Variants in PRTFDC1 observed in about 807,000 individuals in gnomAD.
PRTFDC1 encodes the protein phosphoribosyl transferase domain containing 1.
PRTFDC1 carries 38 observed loss-of-function variants against 34.6 expected under a neutral mutation model. That is an observed-to-expected ratio of 1.10 (90% CI 0.85 to 1.44). PRTFDC1 has a LOEUF of 1.44. Ranked by LOEUF, PRTFDC1 falls within the 40% of genes most tolerant of loss-of-function variation. The probability of loss-of-function intolerance (pLI) is 0.00; values close to 1 mark genes in which losing one functional copy is unlikely to be tolerated. For missense variants in PRTFDC1, 270 were observed against 283.0 expected, an observed-to-expected ratio of 0.95 and a Z score of 0.33; for synonymous variants, 93 against 98.1, an observed-to-expected ratio of 0.95 and a Z score of 0.31.
In PRTFDC1 at chr10:24,854,875, C is replaced by T. The variant is rs77344327; in HGVS notation, c.553+443G>A. On this transcript the variant is annotated intron_variant, in intron 7 of 8. Transcript: ENST00000320152. Reference sequence around the variant, plus strand: ...ATTGTGCGTTGTCTGGTAATAGTTCCGGATGATGGCATAAGAATCCCTCTA... The same window carrying T: ...ATTGTGCGTTGTCTGGTAATAGTTCTGGATGATGGCATAAGAATCCCTCTA... 1.1e-3 allele frequency among the ~76,000 whole-genome samples: 168 copies of T among 152,220 alleles called. No homozygotes were observed. The East Asian group carries it at 0.019, about 17-fold the overall frequency.
intron 3 of PRTFDC1, among the ~76,000 whole-genome samples, chr10:24,893,206 T>TAG (rs1401289113): frequency 6.6e-5 from 10 of 152,362 alleles, no homozygotes; most frequent in East Asian, 1.9e-4. Context: ...CTCTTAATAA[T>TAG]TAGATAGGCA....
At chr10:24,854,065 A>G (rs1262257086) in intron 7 of PRTFDC1, among the ~76,000 whole-genome samples, 2 of 152,194 alleles carry the variant, frequency 1.3e-5, no homozygotes, top group Non-Finnish European at 2.9e-5. Context: ...GGATGAAATG[A>G]GCTAATCTCT....
rs556173567 is a variant in PRTFDC1 at position 24,877,336 on chromosome 10, A to G, written c.340-5273T>C. Among the ~76,000 whole-genome samples the G allele has an allele frequency of 2.0e-5, 3 of 152,070 alleles. No homozygotes were observed. In the East Asian group the frequency reaches 5.8e-4, roughly 30 times the overall value. On this transcript the variant is annotated intron_variant, in intron 3 of 8. Coordinates refer to ENST00000320152, the MANE Select transcript of PRTFDC1 (RefSeq NM_020200.7). ...GCCGTGAGCCATCCCACCAGGCCTA[A>G]CCATGATATTTTTCTAATGGTTCAA...
At position 24,952,185 on chromosome 10, in the gene PRTFDC1, G is replaced by A. The variant is rs1460774624; in HGVS notation, c.48+343C>T. 2.6e-5 allele frequency among the ~76,000 whole-genome samples: 4 copies of A among 152,224 alleles called. No homozygotes were observed. The highest frequency in any genetic ancestry group is 9.6e-5 in the African/African-American group (4 of 41,464). On this transcript the variant is annotated intron_variant, in intron 1 of 8. Coordinates refer to ENST00000320152, the MANE Select transcript of PRTFDC1 (RefSeq NM_020200.7). The surrounding 1 kb of genome is among the most constrained non-coding windows in gnomAD (Gnocchi z 5.1). ...GAAGGAGGCCTCCAGAGCAGCACGCGGGGGTCTCTGGGGCCCTGCCGGGCT... is the reference window on the plus strand; with the variant it reads ...GAAGGAGGCCTCCAGAGCAGCACGCAGGGGTCTCTGGGGCCCTGCCGGGCT...
At chr10:24,861,584 C>T (rs890393404) in intron 4 of PRTFDC1, among the ~76,000 whole-genome samples, 19 of 151,940 alleles carry the variant, frequency 1.3e-4, no homozygotes, top group African/African-American at 4.6e-4. Context: ...AAACACCCCT[C>T]CATCACTTCA....
intron 3 of PRTFDC1, among the ~76,000 whole-genome samples, chr10:24,881,080 C>T (rs1848073546): frequency 3.6e-5 from 5 of 137,370 alleles, no homozygotes; most frequent in Admixed American, 2.4e-4. Context: ...TTCTTTCTTT[C>T]TTTCTTTCTC....
rs55974992 is a variant in PRTFDC1 at position 24,939,793 on chromosome 10, C to CAAAAAA, written c.156-2432_156-2427dup. On this transcript the variant is annotated intron_variant, in intron 2 of 8. Transcript: ENST00000320152. Reference sequence around the variant, plus strand: ...AGGGTGACAGAGTGAGACTCTATCTCAAAAAAAAAAAAAAAAAAAAAAGAA... The same window carrying CAAAAAA: ...AGGGTGACAGAGTGAGACTCTATCTCAAAAAAAAAAAAAAAAAAAAAAAAAAAAGAA... Among the ~76,000 whole-genome samples the CAAAAAA allele has an allele frequency of 8.0e-3, 567 of 71,148 alleles. 1 individual carries two copies. The highest frequency in any genetic ancestry group is 0.013 in the East Asian group (32 of 2,436). The allele number at this position is 71,148 out of a possible 152,430, so 46.7% of individuals were successfully genotyped here. A position where few individuals can be genotyped will look rare whatever the true frequency, so the allele number is the denominator to read the frequency against.
At chr10:24,900,766 G>C (rs1848436721) in intron 3 of PRTFDC1, among the ~76,000 whole-genome samples, 1 of 152,076 alleles carries the variant, frequency 6.6e-6, no homozygotes, top group South Asian at 2.1e-4. Context: ...TTTTGTACAT[G>C]TTTATATTTA....
intron 4 of PRTFDC1, among the ~76,000 whole-genome samples, chr10:24,866,496 G>A (rs895213730): frequency 2.0e-5 from 3 of 151,278 alleles, no homozygotes; most frequent in Non-Finnish European, 4.4e-5. Context: ...CATGCATTTT[G>A]TTTTATTCCA....
At chr10:24,851,709 G>C (rs968952504) in intron 7 of PRTFDC1, among the ~76,000 whole-genome samples, 2 of 151,844 alleles carry the variant, frequency 1.3e-5, no homozygotes, top group African/African-American at 4.8e-5. Flanking sequence ...CTAGCATACA[G>C]AGTTGAGAAA....
rs577086468 is a variant in PRTFDC1 at position 24,916,760 on chromosome 10, CGTTTT to C, written c.339+20419_339+20423del. ...CTTTTTGGCATATTTCTTCTTTTCT[CGTTTT>C]GTTTTATTTTCAATTTCCTGTCTGT... is the stretch of plus-strand genomic sequence containing the variant. On this transcript the variant is annotated intron_variant, in intron 3 of 8. Transcript: ENST00000320152. Among the ~76,000 whole-genome samples, 840 of 152,208 alleles carry C rather than the reference CGTTTT, an allele frequency of 5.5e-3. 6 individuals carry two copies. The highest frequency in any genetic ancestry group is 0.012 in the South Asian group (58 of 4,820).
In PRTFDC1 at chr10:24,871,986, A is replaced by G. The variant is rs1457379684; in HGVS notation, c.405+12T>C. On this transcript the variant is annotated intron_variant, in intron 4 of 8. Coordinates refer to ENST00000320152, the MANE Select transcript of PRTFDC1 (RefSeq NM_020200.7). ...ACCTCAATGCGGTCTGAGCACAGTT[A>G]CATGAACAAACCTTTCCAGCCAGCG... The G allele has an allele frequency of 1.9e-6, 3 of 1,601,040 alleles. No homozygotes were observed. The highest frequency in any genetic ancestry group is 2.6e-6 in the Non-Finnish European group (3 of 1,168,400).
At chr10:24,918,528 T>C (rs1848731355) in intron 3 of PRTFDC1, among the ~76,000 whole-genome samples, 1 of 151,988 alleles carries the variant, frequency 6.6e-6, no homozygotes, top group Non-Finnish European at 1.5e-5. Flanking sequence ...GGGATCCTCC[T>C]GCCTCAGCCT....
At chr10:24,935,436 C>T (rs1185014099) in intron 3 of PRTFDC1, among the ~76,000 whole-genome samples, 1 of 152,120 alleles carries the variant, frequency 6.6e-6, no homozygotes, top group Non-Finnish European at 1.5e-5. Flanking sequence ...TCACTCTGGC[C>T]TGAGAGGTGA....
chr10:24,870,884 CA>C (rs1847857481), intron 4 of PRTFDC1, among the ~76,000 whole-genome samples: 1 of 151,752 alleles, frequency 6.6e-6, no homozygotes, highest in Admixed American at 6.6e-5. Context: ...CCCGCCTGGC[CA>C]ACATGGTGAA....
intron 3 of PRTFDC1, among the ~76,000 whole-genome samples, chr10:24,928,318 C>T (rs553100885): frequency 5.5e-4 from 84 of 151,750 alleles, no homozygotes; most frequent in Non-Finnish European, 8.7e-4. Flanking sequence ...CCATCTGGCA[C>T]CCCCCCACAA....
intron 4 of PRTFDC1, among the ~76,000 whole-genome samples, chr10:24,862,339 C>G (rs922330000): frequency 1.3e-5 from 2 of 151,984 alleles, no homozygotes; most frequent in Non-Finnish European, 2.9e-5. Flanking sequence ...TAATTTAGAA[C>G]AGTCTCTTTT....
intron 3 of PRTFDC1, among the ~76,000 whole-genome samples, chr10:24,911,156 C>G (rs992596185): frequency 6.6e-6 from 1 of 152,194 alleles, no homozygotes; most frequent in Admixed American, 6.5e-5. Context: ...GATGAATGCA[C>G]AGTCATCTAT....
At chr10:24,869,571 G>A (rs1007040600) in intron 4 of PRTFDC1, among the ~76,000 whole-genome samples, 1 of 152,188 alleles carries the variant, frequency 6.6e-6, no homozygotes, top group Non-Finnish European at 1.5e-5. Flanking sequence ...GCTCAAACTG[G>A]GCTCTGGCTA....
Sources: allele counts gnomAD v4.1 joint callset (sites outside exome capture counted in the v4.1 genomes callset), GRCh38; gene constraint gnomAD v4.1.1; non-coding constraint Gnocchi (gnomAD v3.1); transcripts MANE v1.5; gene names NCBI Gene and HGNC (gene_info 2026-07-23, HGNC 2026-07-21).